GULP1: variants seen among roughly 807,000 people sequenced by gnomAD.
GULP1 encodes GULP PTB domain containing engulfment adaptor 1.
Under a neutral mutation model 40.9 loss-of-function variants are expected in GULP1, and 19 were observed. That is an observed-to-expected ratio of 0.46 (90% CI 0.32 to 0.68). The LOEUF (loss-of-function observed/expected upper bound fraction) is 0.68. GULP1 is among the 30% of genes least tolerant of loss of function. GULP1 has a pLI of 0.03. For synonymous variants in GULP1, 119 were observed against 117.6 expected, an observed-to-expected ratio of 1.01 and a Z score of -0.08; for missense variants, 312 against 362.2, an observed-to-expected ratio of 0.86 and a Z score of 1.12.
chr2:188,490,385 A>G (rs1030541070), intron 4 of GULP1, among the ~76,000 whole-genome samples: 2 of 152,130 alleles, frequency 1.3e-5, no homozygotes, highest in Non-Finnish European at 2.9e-5. Flanking sequence ...ACCTAAAGAC[A>G]AGTAAAATAT....
intron 3 of GULP1, among the ~76,000 whole-genome samples, 195 bp downstream of exon 3, chr2:188,477,925 G>A (rs570959186): frequency 3.9e-5 from 6 of 152,238 alleles, no homozygotes; most frequent in Admixed American, 6.5e-5. Flanking sequence ...GATCAAAGTT[G>A]TTTATTACAC....
At chr2:188,428,807 A>C (rs2056523131) in intron 2 of GULP1, among the ~76,000 whole-genome samples, 1 of 152,146 alleles carries the variant, frequency 6.6e-6, no homozygotes, top group African/African-American at 2.4e-5. Flanking sequence ...CATTCAGAGA[A>C]TGACTAATTC....
intron 1 of GULP1, among the ~76,000 whole-genome samples, chr2:188,316,552 T>C (rs2039105656): frequency 6.6e-6 from 1 of 152,044 alleles, no homozygotes; most frequent in Non-Finnish European, 1.5e-5. Flanking sequence ...TTGCTCACTG[T>C]TCACACAGCG....
intron 10 of GULP1, among the ~76,000 whole-genome samples, chr2:188,585,839 A>C (rs10931369): frequency 6.6e-6 from 1 of 152,076 alleles, no homozygotes; most frequent in South Asian, 2.1e-4. Context: ...CTTTTTACTT[A>C]TGCAAATTTC....
At chr2:188,506,102 T>C (rs1417246845) in intron 4 of GULP1, among the ~76,000 whole-genome samples, 1 of 151,914 alleles carries the variant, frequency 6.6e-6, no homozygotes, top group Non-Finnish European at 1.5e-5. Context: ...TTTAGTGTGA[T>C]ATTTCCTGCA....
chr2:188,346,411 G>T (rs183431384), intron 1 of GULP1, among the ~76,000 whole-genome samples: 1 of 152,116 alleles, frequency 6.6e-6, no homozygotes, highest in Non-Finnish European at 1.5e-5. Flanking sequence ...TTTAATGAAG[G>T]CTAATAACAG....
chr2:188,325,413 T>C (rs1023763018), intron 1 of GULP1, among the ~76,000 whole-genome samples: 2 of 152,098 alleles, frequency 1.3e-5, no homozygotes, highest in Non-Finnish European at 2.9e-5. Flanking sequence ...TCGTGTTAAG[T>C]CTAGCCAACT....
At chr2:188,549,951 G>A (rs1279916896) in intron 7 of GULP1, among the ~76,000 whole-genome samples, 1 of 151,760 alleles carries the variant, frequency 6.6e-6, no homozygotes, top group East Asian at 1.9e-4. Context: ...GTGAGGGCAG[G>A]CTAGAAGAGG....
intron 1 of GULP1, among the ~76,000 whole-genome samples, chr2:188,299,295 A>G (rs2035680224): frequency 6.6e-6 from 1 of 151,724 alleles, no homozygotes; most frequent in Non-Finnish European, 1.5e-5. Context: ...GTTGTTTACT[A>G]AAGCTAGGGA....
intron 2 of GULP1, among the ~76,000 whole-genome samples, chr2:188,405,556 G>A (rs2052958674): frequency 6.6e-6 from 1 of 152,280 alleles, no homozygotes; most frequent in African/African-American, 2.4e-5. Context: ...GCAGTGCCAG[G>A]TTAGCTCTGT....
At chr2:188,464,290 A>G (rs2059942060) in intron 2 of GULP1, among the ~76,000 whole-genome samples, 1 of 152,172 alleles carries the variant, frequency 6.6e-6, no homozygotes, top group East Asian at 1.9e-4. Flanking sequence ...GGTCTAGGTC[A>G]AGATCCCAAA....
At chr2:188,520,870 C>T (rs535430136) in intron 4 of GULP1, among the ~76,000 whole-genome samples, 1 of 152,298 alleles carries the variant, frequency 6.6e-6, no homozygotes, top group Non-Finnish European at 1.5e-5. Flanking sequence ...AGGTAATTTT[C>T]ATGCCAGTTG....
Position 188,584,830 on chromosome 2 carries a change from A to G in GULP1, c.748+427A>G, listed in dbSNP as rs935636358. Among the ~76,000 whole-genome samples the G allele has an allele frequency of 3.9e-5, 6 of 152,204 alleles. No homozygotes were observed. The South Asian group carries it at 1.0e-3, about 26-fold the overall frequency. On this transcript the variant is annotated intron_variant, in intron 10 of 11. Coordinates refer to ENST00000409830, the MANE Select transcript of GULP1 (RefSeq NM_016315.4). ...TTTTGTTAAAAAATATATAAATTATATCATGATTTCTTAACCTTTTGTAAG... is the reference window on the plus strand; with the variant it reads ...TTTTGTTAAAAAATATATAAATTATGTCATGATTTCTTAACCTTTTGTAAG...
At chr2:188,322,149 T>G (rs2040080603) in intron 1 of GULP1, among the ~76,000 whole-genome samples, 1 of 152,218 alleles carries the variant, frequency 6.6e-6, no homozygotes, top group Admixed American at 6.5e-5. Context: ...CCCTTTAATT[T>G]GCAGGGGTTT....
intron 3 of GULP1, among the ~76,000 whole-genome samples, 165 bp downstream of exon 3, chr2:188,477,895 T>A (rs2061144906): frequency 6.6e-6 from 1 of 152,176 alleles, no homozygotes. Context: ...TAGCTTTCCT[T>A]AGTTATCACC....
chr2:188,498,823 T>C (rs2063148189), intron 4 of GULP1, among the ~76,000 whole-genome samples: 2 of 151,940 alleles, frequency 1.3e-5, no homozygotes, highest in South Asian at 4.1e-4. Flanking sequence ...CATCACTATG[T>C]ACTCCATGAA....
At chr2:188,363,548 C>T (rs140130545) in intron 1 of GULP1, among the ~76,000 whole-genome samples, 1 of 152,206 alleles carries the variant, frequency 6.6e-6, no homozygotes, top group African/African-American at 2.4e-5. Flanking sequence ...AGAGCAAGGA[C>T]TGGGGAAAAC....
intron 10 of GULP1, among the ~76,000 whole-genome samples, chr2:188,586,593 C>A (rs900807559): frequency 6.6e-6 from 1 of 152,122 alleles, no homozygotes; most frequent in Non-Finnish European, 1.5e-5. Context: ...ATTAGGATAG[C>A]CCTGGCTTAT....
intron 5 of GULP1, among the ~76,000 whole-genome samples, chr2:188,526,615 G>A (rs1157859107): frequency 6.6e-6 from 1 of 151,912 alleles, no homozygotes; most frequent in Non-Finnish European, 1.5e-5. Flanking sequence ...AAGAAAGGCA[G>A]GAAGGAGAAT....
Sources: allele counts gnomAD v4.1 joint callset (sites outside exome capture counted in the v4.1 genomes callset), GRCh38; gene constraint gnomAD v4.1.1; transcripts MANE v1.5; gene names NCBI Gene and HGNC (gene_info 2026-07-23, HGNC 2026-07-21).